PDE1C: variants seen among roughly 807,000 people sequenced by gnomAD.
PDE1C encodes phosphodiesterase 1C, also known as dual specificity calcium/calmodulin-dependent 3',5'-cyclic nucleotide phosphodiesterase 1C.
A neutral mutation model predicts 93.1 loss-of-function variants in PDE1C; 62 were observed. The ratio of observed to expected loss-of-function variants is 0.67; its 90% CI spans 0.54 to 0.82. PDE1C has a LOEUF of 0.82. Ranked by LOEUF, PDE1C falls within the 40% of genes least tolerant of loss-of-function variation. The pLI is 0.00. For missense variants in PDE1C, 742 were observed against 884.6 expected, an observed-to-expected ratio of 0.84 and a Z score of 2.04; for synonymous variants, 325 against 310.1, an observed-to-expected ratio of 1.05 and a Z score of -0.50.
chr7:31,798,744 T>A (rs1029596855), intron 16 of PDE1C, among the ~76,000 whole-genome samples: 1 of 151,698 alleles, frequency 6.6e-6, no homozygotes, highest in Non-Finnish European at 1.5e-5. Flanking sequence ...CAAATATGAG[T>A]GTGCTGAAGA....
At chr7:31,765,769 C>T (rs550406701) in intron 17 of PDE1C, among the ~76,000 whole-genome samples, 5 of 152,154 alleles carry the variant, frequency 3.3e-5, no homozygotes, top group Non-Finnish European at 5.9e-5. Context: ...CCTCCCACAC[C>T]CCAACAATGT....
chr7:31,964,469 T>C (rs776158537), intron 2 of PDE1C, among the ~76,000 whole-genome samples: 1 of 152,204 alleles, frequency 6.6e-6, no homozygotes, highest in African/African-American at 2.4e-5. Flanking sequence ...AAGCTCAAAC[T>C]GGGTGGAGAC....
intron 2 of PDE1C, among the ~76,000 whole-genome samples, chr7:32,017,192 A>G (rs1228740745): frequency 6.6e-6 from 1 of 152,176 alleles, no homozygotes; most frequent in Non-Finnish European, 1.5e-5. Context: ...GAGAATAATT[A>G]TGACAAAAAT....
chr7:32,062,057 C>A (rs1794877072), intron 1 of PDE1C, among the ~76,000 whole-genome samples: 2 of 152,122 alleles, frequency 1.3e-5, no homozygotes, highest in Non-Finnish European at 2.9e-5. Context: ...CCCCATATCT[C>A]CCCTCATAGT....
chr7:31,878,923 A>G, intron 4 of PDE1C, 73 bp downstream of exon 4: 2 of 1,438,418 alleles, frequency 1.4e-6, no homozygotes, highest in Non-Finnish European at 1.9e-6. Flanking sequence ...ACATTAAAGC[A>G]AAGCTTCCAG....
At position 31,775,724 on chromosome 7, in the gene PDE1C, G is replaced by A; in HGVS notation, c.1900C>T (p.Gln634Ter). The A allele has an allele frequency of 6.2e-7, 1 of 1,612,782 alleles. No individual in the cohort carries two copies. The highest frequency in any genetic ancestry group is 8.5e-7 in the Non-Finnish European group (1 of 1,179,794). ...NDSKKTDGTKQRSHGSPAPST... is the reference protein window; with the variant it reads ...NDSKKTDGTK ...GGGGCTGGTGAGCCGTGAGAACGCT[G>A]TTTTGTGCCTGTGAAGAGGAAAAAG... The change falls in exon 17 of 18, where the codon CAG (glutamine) becomes TAG (stop). Residue 634 changes from glutamine (Q) to a stop codon, truncating the protein, a stop_gained. Transcript: ENST00000396191. LOFTEE classifies it high-confidence loss of function.
intron 2 of PDE1C, among the ~76,000 whole-genome samples, chr7:32,207,425 A>T (rs78560602): frequency 0.071 from 10,761 of 151,990 alleles, 494 homozygotes; most frequent in South Asian, 0.18. Flanking sequence ...CATTCACACC[A>T]CACAATGAAG....
the PDE1C span, among the ~76,000 whole-genome samples, chr7:31,729,556 G>C: frequency 6.6e-6 from 1 of 152,170 alleles, no homozygotes. Flanking sequence ...TGAATCTAAA[G>C]TACCTAGTAG....
intron 2 of PDE1C, among the ~76,000 whole-genome samples, chr7:31,983,925 T>C (rs1783030313): frequency 6.6e-6 from 1 of 151,266 alleles, no homozygotes; most frequent in Non-Finnish European, 1.5e-5. Flanking sequence ...ACTGGCAGAG[T>C]GAAGGAGAGA....
chr7:31,992,529 T>C (rs1296916172), intron 2 of PDE1C, among the ~76,000 whole-genome samples: 1 of 152,058 alleles, frequency 6.6e-6, no homozygotes, highest in Non-Finnish European at 1.5e-5. Context: ...GCCAGGGAAA[T>C]GTGAATTCCC....
chr7:32,085,986 G>C (rs578104799), intron 3 of PDE1C, among the ~76,000 whole-genome samples: 48 of 151,806 alleles, frequency 3.2e-4, no homozygotes, highest in African/African-American at 1.1e-3. Flanking sequence ...TCAACATAGT[G>C]CTGGAAGTTC....
At chr7:32,063,042 A>G (rs1794992618) in intron 1 of PDE1C, among the ~76,000 whole-genome samples, 1 of 152,208 alleles carries the variant, frequency 6.6e-6, no homozygotes, top group Non-Finnish European at 1.5e-5. Flanking sequence ...AGGACTCTGT[A>G]TAAACAGTAC....
intron 1 of PDE1C, among the ~76,000 whole-genome samples, chr7:32,291,906 G>C (rs1258824161): frequency 1.3e-5 from 2 of 152,174 alleles, no homozygotes. Context: ...ACTTACCCGG[G>C]ATCAAAGAGC....
chr7:31,624,304 G>A, the PDE1C span, among the ~76,000 whole-genome samples: 41 of 142,496 alleles, frequency 2.9e-4, no homozygotes, highest in South Asian at 2.5e-4. Flanking sequence ...AAAAGAGCCC[G>A]CATCACCAAG....
intron 3 of PDE1C, among the ~76,000 whole-genome samples, chr7:32,082,031 A>G (rs1191244470): frequency 6.6e-6 from 1 of 152,224 alleles, no homozygotes; most frequent in African/African-American, 2.4e-5. Flanking sequence ...GGTGCAGCGC[A>G]CCATGCGCGA....
chr7:32,017,435 T>G (rs1024423201), intron 2 of PDE1C, among the ~76,000 whole-genome samples: 35 of 152,112 alleles, frequency 2.3e-4, no homozygotes, highest in African/African-American at 8.4e-4. Context: ...GACCTTAGAT[T>G]AGGCATTAGT....
intron 1 of PDE1C, among the ~76,000 whole-genome samples, chr7:32,219,529 T>G (rs1260667125): frequency 1.3e-5 from 2 of 152,202 alleles, no homozygotes; most frequent in Non-Finnish European, 2.9e-5. Context: ...ATGCTCTAAA[T>G]TCAGGTGCTG....
intron 7 of PDE1C, among the ~76,000 whole-genome samples, chr7:31,858,346 C>T (rs1794273806): frequency 6.6e-6 from 1 of 152,094 alleles, no homozygotes; most frequent in African/African-American, 2.4e-5. Flanking sequence ...AACCAGAGCC[C>T]CTTTCTCTCT....
At chr7:31,686,174 T>G in the PDE1C span, among the ~76,000 whole-genome samples, 1 of 152,162 alleles carries the variant, frequency 6.6e-6, no homozygotes, top group Non-Finnish European at 1.5e-5. Context: ...CATCACTGGG[T>G]GGTCCATTGG....
Sources: allele counts gnomAD v4.1 joint callset (sites outside exome capture counted in the v4.1 genomes callset), GRCh38; gene constraint gnomAD v4.1.1; transcripts MANE v1.5; gene names NCBI Gene and HGNC (gene_info 2026-07-23, HGNC 2026-07-21).